The following KIAA0586 variants were observed in gnomAD, a reference collection of about 807,000 sequenced individuals.
KIAA0586 encodes KIAA0586, also known as protein TALPID3.
A neutral mutation model predicts 169.8 loss-of-function variants in KIAA0586; 144 were observed. That is an observed-to-expected ratio of 0.85 (90% CI 0.74 to 0.97). The LOEUF is 0.97. Ranked by LOEUF, KIAA0586 falls within the 50% of genes least tolerant of loss-of-function variation. The pLI, the probability that KIAA0586 is intolerant of heterozygous loss-of-function variation, is 0.00. For synonymous variants in KIAA0586, 625 were observed against 612.4 expected (o/e 1.02, Z -0.30); for missense variants, 1,854 against 1,823.0 (o/e 1.02, Z -0.31).
intron 4 of KIAA0586, among the ~76,000 whole-genome samples, chr14:58,439,410 A>G (rs1247322820): frequency 3.9e-5 from 6 of 152,036 alleles, no homozygotes; most frequent in African/African-American, 1.4e-4. Flanking sequence ...GATGGTCTCG[A>G]TCTCCTGACC....
chr14:58,487,916 A>T lies in KIAA0586; in HGVS notation c.3334A>T (p.Asn1112Tyr). The T allele has an allele frequency of 6.2e-7, 1 of 1,613,278 alleles. No homozygotes were observed. The highest frequency in any genetic ancestry group is 8.5e-7 in the Non-Finnish European group (1 of 1,179,648). The change falls in exon 23 of 31, where the codon AAT becomes TAT. Residue 1112 changes from asparagine (N) to tyrosine (Y), a missense_variant. Coordinates refer to ENST00000652326, the MANE Select transcript of KIAA0586 (RefSeq NM_001329943.3). Reference protein sequence around the residue: ...GDDMPAIMLVNTPTVTPTTTP... With the variant: ...GDDMPAIMLVYTPTVTPTTTP... Reference sequence around the variant, plus strand: ...TGATATGCCTGCCATCATGCTTGTTAATACTCCAACAGTTACCCCTACTAC... The same window carrying T: ...TGATATGCCTGCCATCATGCTTGTTTATACTCCAACAGTTACCCCTACTAC...
rs2040882739 is a variant in KIAA0586, at chr14:58,467,798, C to T, written c.2318C>T (p.Pro773Leu). 1.2e-6 allele frequency: 2 copies of T among 1,613,474 alleles called. No homozygotes were observed. Among genetic ancestry groups the T allele is most frequent in the East Asian group, 2.2e-5 (1 of 44,868 alleles). ...GGAGTGATTGTCAGCAAGCCACACC[C>T]TGTAACTGTGACTACTTCTATTCCT... ...PAGVIVSKPH[P>L]VTVTTSIPPS... The change falls in exon 16 of 31, where the codon CCT (proline) becomes CTT (leucine). Residue 773 changes from proline (P) to leucine (L), a missense_variant. By Grantham distance (98) the Pro-to-Leu change is moderately conservative (BLOSUM62 -3). Transcript: ENST00000652326.
intron 29 of KIAA0586, among the ~76,000 whole-genome samples, chr14:58,530,960 T>C (rs998268770): frequency 2.6e-5 from 4 of 151,972 alleles, no homozygotes; most frequent in Non-Finnish European, 4.4e-5. Context: ...AGGGCTAATA[T>C]CTAGAATCTG....
chr14:58,485,251 G>A (rs1234101485), intron 21 of KIAA0586, among the ~76,000 whole-genome samples: 1 of 151,502 alleles, frequency 6.6e-6, no homozygotes, highest in African/African-American at 2.4e-5. Flanking sequence ...ATGGTCAGAG[G>A]ACAGACAGTT....
At position 58,549,484 on chromosome 14, in the gene KIAA0586, G is replaced by C. The variant is rs182221352; in HGVS notation, c.*1552G>C. The C allele has an allele frequency of 1.4e-3, 218 of 152,244 alleles. 1 individual carries two copies. The highest frequency in any genetic ancestry group is 5.1e-3 in the African/African-American group (213 of 41,538). 9.4% of individuals were successfully genotyped at this position (152,244 alleles called of 1,614,324 possible). ...TTCTCACTGAACATAGAAGCTGCAA[G>C]AGTCTATGGAAACTCAGAAATGTGT... On this transcript the variant is annotated 3_prime_UTR_variant, in exon 31 of 31. Coordinates refer to ENST00000652326, the MANE Select transcript of KIAA0586 (RefSeq NM_001329943.3).
At position 58,465,983 on chromosome 14, in the gene KIAA0586, T is replaced by G; in HGVS notation, c.2208T>G (p.Phe736Leu). The G allele has an allele frequency of 6.2e-7, 1 of 1,613,398 alleles. No individual in the cohort carries two copies. Among genetic ancestry groups the G allele is most frequent in the Non-Finnish European group, 8.5e-7 (1 of 1,179,540 alleles). The stretch of plus-strand genomic sequence containing the variant: ...GCCCAAGTAGAGAAATGCCTACTTT[T>G]TCAGGTACATTGGAAGGTCATCTGA... ...LFSPSREMPT[F>L]SGTLEGHLIP... Residue 736 changes from phenylalanine to leucine, a missense_variant, in exon 15 of 31, where the codon TTT becomes TTG. By Grantham distance (22) the Phe-to-Leu change is conservative (BLOSUM62 0). Coordinates refer to ENST00000652326, the MANE Select transcript of KIAA0586 (RefSeq NM_001329943.3).
At chr14:58,510,214 C>G (rs534826450) in intron 28 of KIAA0586, among the ~76,000 whole-genome samples, 1 of 152,106 alleles carries the variant, frequency 6.6e-6, no homozygotes, top group East Asian at 1.9e-4. Context: ...ACTAAAAATA[C>G]AAAAATTAGC....
In KIAA0586 at chr14:58,467,794, C is replaced by T. The variant is rs576312279; in HGVS notation, c.2314C>T (p.His772Tyr). The change falls in exon 16 of 31, where the codon CAC (histidine) becomes TAC (tyrosine). Residue 772 changes from histidine (H) to tyrosine (Y), a missense_variant. By Grantham distance (83) the His-to-Tyr change is moderately conservative. Transcript: ENST00000652326. The part of the protein sequence containing the change: ...PPAGVIVSKP[H>Y]PVTVTTSIPP... ...TGCTGGAGTGATTGTCAGCAAGCCA[C>T]ACCCTGTAACTGTGACTACTTCTAT... is the stretch of plus-strand genomic sequence containing the variant. 6.2e-7 allele frequency: 1 copy of T among 1,613,774 alleles called. No homozygotes were observed. The highest frequency in any genetic ancestry group is 2.2e-5 in the East Asian group (1 of 44,858).
Position 58,477,154 on chromosome 14 carries a change from T to C in KIAA0586, c.2857T>C (p.Ser953Pro), listed in dbSNP as rs1297392520. 6.3e-7 allele frequency: 1 copy of C among 1,577,238 alleles called. No individual in the cohort carries two copies. Residue 953 changes from serine (S) to proline (P), a missense_variant, in exon 20 of 31, where the codon TCT (serine) becomes CCT (proline). By Grantham distance (74) the Ser-to-Pro change is moderately conservative. Coordinates refer to ENST00000652326, the MANE Select transcript of KIAA0586 (RefSeq NM_001329943.3). ...VEQEIMSRII[S>P]GLFPVQQQIA... ...GCAAGAAATAATGTCAAGAATTATCTCTGGGCTCTTTCCAGTCCAGCAACA... is the reference window on the plus strand; with the variant it reads ...GCAAGAAATAATGTCAAGAATTATCCCTGGGCTCTTTCCAGTCCAGCAACA...
chr14:58,532,036 G>T (rs1030587226), intron 29 of KIAA0586, among the ~76,000 whole-genome samples: 7 of 152,064 alleles, frequency 4.6e-5, no homozygotes, highest in Non-Finnish European at 8.8e-5. Flanking sequence ...GGCCTGTCGG[G>T]GGGTGGGGGA....
intron 4 of KIAA0586, among the ~76,000 whole-genome samples, chr14:58,438,737 G>A (rs976626694): frequency 1.3e-5 from 2 of 152,306 alleles, no homozygotes; most frequent in South Asian, 4.1e-4. Flanking sequence ...CTTGAAGAAG[G>A]TAGTACTTGC....
chr14:58,460,120 C>A, intron 13 of KIAA0586, 50 bp downstream of exon 13: 1 of 1,081,612 alleles, frequency 9.2e-7, no homozygotes, highest in Non-Finnish European at 1.3e-6. Flanking sequence ...TATAATTGAT[C>A]ATTTCCTTTA....
At chr14:58,428,652 C>G (rs1339690885) in intron 1 of KIAA0586, among the ~76,000 whole-genome samples, 189 bp downstream of exon 1, 1 of 147,470 alleles carries the variant, frequency 6.8e-6, no homozygotes, top group Non-Finnish European at 1.5e-5. Context: ...GAAACTTTAA[C>G]GTCCCCTGTT....
chr14:58,484,924 A>ATAAATATATATTTT (rs1566877360), intron 21 of KIAA0586, among the ~76,000 whole-genome samples: 2 of 13,048 alleles, frequency 1.5e-4, no homozygotes, highest in Non-Finnish European at 2.7e-4. Flanking sequence ...ATATATATAT[A>ATAAATATATATTTT]TTTTTTTTTT....
rs777247659 is a variant in KIAA0586 at position 58,429,391 on chromosome 14, T to C, written c.228T>C (p.Asn76=). 6.3e-7 allele frequency: 1 copy of C among 1,599,820 alleles called. No individual in the cohort carries two copies. Among genetic ancestry groups the C allele is most frequent in the African/African-American group, 1.3e-5 (1 of 74,682 alleles). The change falls in exon 2 of 31, where the codon AAT becomes AAC. Residue 76 remains asparagine (N), a synonymous_variant. Coordinates refer to ENST00000652326, the MANE Select transcript of KIAA0586 (RefSeq NM_001329943.3). ...RGSSDLTSAR[N]CYQPLLENPM... ...CATCAGACTTAACTTCTGCTAGAAA[T>C]TGTTACCAGCCTCTATTAGAAAATC...
chr14:58,521,745 C>A, intron 29 of KIAA0586: 1 of 820,754 alleles, frequency 1.2e-6, no homozygotes, highest in Non-Finnish European at 2.2e-6. Flanking sequence ...ACAGGGGAAA[C>A]AAGCAGTAGA....
intron 29 of KIAA0586, among the ~76,000 whole-genome samples, chr14:58,538,434 T>A (rs746360411): frequency 1.3e-5 from 2 of 152,070 alleles, no homozygotes; most frequent in Non-Finnish European, 2.9e-5. Context: ...TAGTATAAAT[T>A]TTTTTTAATT....
At position 58,524,456 on chromosome 14, in the gene KIAA0586, C is replaced by T. The variant is rs80153715; in HGVS notation, c.4429+11829C>T. 4.2e-3 allele frequency among the ~76,000 whole-genome samples: 642 copies of T among 152,194 alleles called. 5 individuals carry two copies. The highest frequency in any genetic ancestry group is 0.018 in the East Asian group (94 of 5,174). ...TCCTAAAGTGATTGTTTGCCTGAGA[C>T]GGGGCCTGGGAATGTAAACATTAAA... On this transcript the variant is annotated intron_variant, in intron 29 of 30. Transcript: ENST00000652326.
At chr14:58,485,615 C>T (rs1455986722) in intron 21 of KIAA0586, among the ~76,000 whole-genome samples, 3 of 152,146 alleles carry the variant, frequency 2.0e-5, no homozygotes, top group Admixed American at 2.0e-4. Flanking sequence ...TGAGGAAGGG[C>T]TCTAGGTAGA....
Sources: allele counts gnomAD v4.1 joint callset (sites outside exome capture counted in the v4.1 genomes callset), GRCh38; gene constraint gnomAD v4.1.1; transcripts MANE v1.5; gene names NCBI Gene and HGNC (gene_info 2026-07-23, HGNC 2026-07-21).